PRKG1: variants seen among roughly 807,000 people sequenced by gnomAD.
PRKG1 encodes the protein protein kinase cGMP-dependent 1, also known as cGMP-dependent protein kinase 1.
Under a neutral mutation model 88.1 loss-of-function variants are expected in PRKG1, and 35 were observed. That is an observed-to-expected ratio of 0.40 (90% confidence interval 0.30 to 0.53). PRKG1 has a LOEUF of 0.53. Among genes scored for constraint, PRKG1 ranks in the 20% least tolerant of loss-of-function variants. PRKG1 has a pLI of 0.59. For missense variants in PRKG1, 540 were observed against 839.8 expected (o/e 0.64, Z 4.41); for synonymous variants, 303 against 292.5 (o/e 1.04, Z -0.37).
intron 2 of PRKG1, among the ~76,000 whole-genome samples, chr10:51,392,911 AC>A (rs1199060028): frequency 3.2e-5 from 2 of 61,960 alleles, no homozygotes; most frequent in African/African-American, 5.0e-5. Flanking sequence ...TGGGGGGCTG[AC>A]CACCCCCACC....
intron 1 of PRKG1, among the ~76,000 whole-genome samples, chr10:51,095,572 G>T (rs79535597): frequency 6.6e-6 from 1 of 152,100 alleles, no homozygotes; most frequent in Admixed American, 6.6e-5. Context: ...ATAGTTAACA[G>T]CAATTGCAGT....
chr10:51,985,443 A>G (rs897070032), intron 5 of PRKG1, among the ~76,000 whole-genome samples: 3 of 152,190 alleles, frequency 2.0e-5, no homozygotes, highest in Non-Finnish European at 4.4e-5. Context: ...TTAAGTGACC[A>G]TGATTGTTAA....
At chr10:51,226,688 ATCCAAGAAC>A (rs1282247420) in intron 2 of PRKG1, among the ~76,000 whole-genome samples, 1 of 152,196 alleles carries the variant, frequency 6.6e-6, no homozygotes, top group Non-Finnish European at 1.5e-5. Flanking sequence ...AAGAAGGCAG[ATCCAAGAAC>A]TCCACAGAAA....
chr10:51,457,597 A>G (rs184866485), intron 2 of PRKG1, among the ~76,000 whole-genome samples: 1 of 152,314 alleles, frequency 6.6e-6, no homozygotes, highest in East Asian at 1.9e-4. Flanking sequence ...ACCAAAAATA[A>G]ACAGAATTAT....
intron 2 of PRKG1, among the ~76,000 whole-genome samples, chr10:51,380,576 GGT>G (rs1837057281): frequency 2.0e-5 from 3 of 152,094 alleles, no homozygotes; most frequent in African/African-American, 7.2e-5. Context: ...GAGGCTGGCA[GGT>G]CACCTGAGGT....
intron 1 of PRKG1, among the ~76,000 whole-genome samples, chr10:51,050,536 C>T (rs1843547785): frequency 6.6e-5 from 10 of 151,986 alleles, no homozygotes; most frequent in Admixed American, 6.6e-4. Context: ...ATGTATACAC[C>T]ATATTTTCTT....
At chr10:51,229,944 A>G (rs986580314) in intron 2 of PRKG1, among the ~76,000 whole-genome samples, 28 of 148,970 alleles carry the variant, frequency 1.9e-4, no homozygotes, top group East Asian at 1.8e-3. Flanking sequence ...AAAAAAAAAA[A>G]AAAAGAAAAA....
At position 51,852,837 on chromosome 10, in the gene PRKG1, TATTTTA is replaced by T. The variant is rs1201174926; in HGVS notation, c.698+48152_698+48157del. ...AACTTTGCTTTTATATGTCCCTAGA[TATTTTA>T]ATTTAAATGCATTTAAGCATAAAAA... On this transcript the variant is annotated intron_variant, in intron 4 of 17. Transcript: ENST00000373980. Among the ~76,000 whole-genome samples, 7 of 152,306 alleles carry T rather than the reference TATTTTA, an allele frequency of 4.6e-5. No individual in the cohort carries two copies. In the East Asian group the frequency reaches 1.2e-3, roughly 25 times the overall value.
At chr10:51,211,224 A>G (rs931981164) in intron 2 of PRKG1, among the ~76,000 whole-genome samples, 1 of 152,124 alleles carries the variant, frequency 6.6e-6, no homozygotes, top group African/African-American at 2.4e-5. Flanking sequence ...CCACATGACT[A>G]TCTCAATAGA....
In PRKG1 at chr10:52,290,383, T is replaced by G. The variant is rs75958627; in HGVS notation, c.1962+93T>G. Reference sequence around the variant, plus strand: ...CTGTTATTTTTAAAGTTTAATCCTATGATTAAGTTAAACAAACTCTAGGAA... The same window carrying G: ...CTGTTATTTTTAAAGTTTAATCCTAGGATTAAGTTAAACAAACTCTAGGAA... On this transcript the variant is annotated intron_variant, in intron 17 of 17. Transcript: ENST00000373980. 562 of 1,075,878 alleles carry G rather than the reference T, an allele frequency of 5.2e-4. 2 individuals are homozygous for G. In the African/African-American group the frequency reaches 7.6e-3, roughly 15 times the overall value. 66.6% of individuals were successfully genotyped at this position (1,075,878 alleles called of 1,614,324 possible).
chr10:51,491,160 C>T (rs1449529552), intron 3 of PRKG1, among the ~76,000 whole-genome samples: 1 of 151,898 alleles, frequency 6.6e-6, no homozygotes, highest in Non-Finnish European at 1.5e-5. Context: ...GATGAATCTC[C>T]TTGAATCATC....
chr10:52,136,259 G>A (rs1027043115), intron 8 of PRKG1, among the ~76,000 whole-genome samples: 2 of 152,050 alleles, frequency 1.3e-5, no homozygotes, highest in South Asian at 2.1e-4. Context: ...GGGACCCCAG[G>A]GGAGAAAATA....
rs945043837 is a variant in PRKG1, at chr10:51,193,194, G to A, written c.478+39864G>A. On this transcript the variant is annotated intron_variant, in intron 2 of 17. Coordinates refer to ENST00000373980, the MANE Select transcript of PRKG1 (RefSeq NM_006258.4). Reference sequence around the variant, plus strand: ...GAGAAGGAAGTCATGAAGACTAAGCGAGTATGACAGTTTGGGGAATGAAGG... The same window carrying A: ...GAGAAGGAAGTCATGAAGACTAAGCAAGTATGACAGTTTGGGGAATGAAGG... Among the ~76,000 whole-genome samples the A allele has an allele frequency of 7.9e-5, 12 of 151,964 alleles. No homozygotes were observed. The East Asian group carries it at 9.6e-4, about 12-fold the overall frequency.
At chr10:52,121,869 C>T (rs926740918) in intron 7 of PRKG1, among the ~76,000 whole-genome samples, 1 of 152,172 alleles carries the variant, frequency 6.6e-6, no homozygotes, top group African/African-American at 2.4e-5. Context: ...ACAGCAGTCT[C>T]GATTTTTTTC....
chr10:52,205,886 T>C (rs118123813), intron 9 of PRKG1, among the ~76,000 whole-genome samples: 10 of 152,264 alleles, frequency 6.6e-5, no homozygotes, highest in Non-Finnish European at 1.2e-4. Flanking sequence ...CTGATGACTA[T>C]GTGCATTGGG....
intron 4 of PRKG1, among the ~76,000 whole-genome samples, chr10:51,849,216 A>G (rs544986802): frequency 2.0e-5 from 3 of 152,260 alleles, no homozygotes; most frequent in African/African-American, 7.2e-5. Flanking sequence ...TTTAGTTAGT[A>G]CATAGGGAAA....
chr10:51,093,807 C>T (rs200670443), intron 1 of PRKG1, among the ~76,000 whole-genome samples: 7,121 of 142,232 alleles, frequency 0.05, 236 homozygotes, highest in East Asian at 0.14. Flanking sequence ...TATATACACA[C>T]ACACACACAC....
At position 51,874,539 on chromosome 10, in the gene PRKG1, G is replaced by A. The variant is rs150059198; in HGVS notation, c.699-32968G>A. ...ACGTTCACTTGAATTTGAAATGTTC[G>A]TGCTTTTTTTAAAGCACGAATATGC... On this transcript the variant is annotated intron_variant, in intron 4 of 17. Transcript: ENST00000373980. 1.4e-3 allele frequency among the ~76,000 whole-genome samples: 211 copies of A among 152,152 alleles called. 1 individual carries two copies. Among genetic ancestry groups the A allele is most frequent in the East Asian group, 0.014 (70 of 5,176 alleles).
chr10:51,970,753 GATATATCAGATT>G (rs1177461598), intron 5 of PRKG1, among the ~76,000 whole-genome samples: 23 of 142,216 alleles, frequency 1.6e-4, no homozygotes, highest in East Asian at 4.1e-4. Flanking sequence ...ATATATATCA[GATATATCAGATT>G]ATATATATAT....
Sources: gnomAD v4.1 joint callset for allele counts (sites outside exome capture counted in the v4.1 genomes callset) on GRCh38, gnomAD v4.1.1 for gene constraint, MANE v1.5 for transcripts, NCBI Gene and HGNC (gene_info 2026-07-23, HGNC 2026-07-21) for gene names.